The following DHRSX variants were observed in gnomAD, a reference collection of about 807,000 sequenced individuals.
DHRSX encodes the protein polyprenol dehydrogenase.
A neutral mutation model predicts 34.0 loss-of-function variants in DHRSX; 31 were observed. The ratio of observed to expected loss-of-function variants is 0.91; its 90% confidence interval spans 0.69 to 1.23. The LOEUF (loss-of-function observed/expected upper bound fraction) is 1.23. DHRSX is among the 50% of genes most tolerant of loss of function. The pLI is 0.00. For synonymous variants in DHRSX, 201 were observed against 183.8 expected, an observed-to-expected ratio of 1.09 and a Z score of -0.76; for missense variants, 414 against 428.1, an observed-to-expected ratio of 0.97 and a Z score of 0.29.
intron 3 of DHRSX, among the ~76,000 whole-genome samples, chrX:2,314,812 T>C (rs1409313035): frequency 6.6e-6 from 1 of 152,152 alleles, no homozygotes; most frequent in African/African-American, 2.4e-5. Context: ...GAGCAGCTTC[T>C]GTCCTGAAAT....
At chrX:2,481,799 G>C (rs994703263) in intron 1 of DHRSX, among the ~76,000 whole-genome samples, 1 of 148,334 alleles carries the variant, frequency 6.7e-6, no homozygotes, top group Non-Finnish European at 1.5e-5. Flanking sequence ...CAGGAGGGTT[G>C]GTGAGATCAG....
chrX:2,253,876 G>A (rs778015895), intron 5 of DHRSX, among the ~76,000 whole-genome samples: 1 of 152,064 alleles, frequency 6.6e-6, no homozygotes, highest in Non-Finnish European at 1.5e-5. Flanking sequence ...CTGGCTAACA[G>A]GGTGAAACCC....
intron 3 of DHRSX, among the ~76,000 whole-genome samples, chrX:2,371,751 C>T (rs1005506346): frequency 5.9e-5 from 9 of 151,854 alleles, no homozygotes; most frequent in African/African-American, 2.2e-4. Flanking sequence ...CCCTCCTCCT[C>T]CCATTACAGT....
rs1276752986 is a variant in DHRSX at position 2,387,240 on chromosome X, C to T, written c.286+21505G>A. Among the ~76,000 whole-genome samples the T allele has an allele frequency of 2.6e-5, 4 of 152,100 alleles. No homozygotes were observed. The South Asian group carries it at 6.2e-4, about 24-fold the overall frequency. On this transcript the variant is annotated intron_variant, in intron 3 of 6. Coordinates refer to ENST00000334651, the MANE Select transcript of DHRSX (RefSeq NM_145177.3). The stretch of plus-strand genomic sequence containing the variant: ...TTAATAAAATTAAACATTAAAAAAG[C>T]GGCTCTTTCTGCTTCCCTATCAACT...
intron 1 of DHRSX, among the ~76,000 whole-genome samples, chrX:2,460,598 T>TTTTTTTTA: frequency 6.7e-6 from 1 of 150,062 alleles, no homozygotes; most frequent in South Asian, 2.1e-4. Context: ...TTTTTTTTTT[T>TTTTTTTTA]AGAGACAGCA....
chrX:2,336,583 C>T (rs1273016386), intron 3 of DHRSX, among the ~76,000 whole-genome samples: 9 of 151,252 alleles, frequency 6.0e-5, no homozygotes, highest in East Asian at 1.9e-4. Context: ...AACATATTCA[C>T]GGTATTTTGT....
chrX:2,393,634 ACGACACAC>A (rs2043367408), intron 3 of DHRSX, among the ~76,000 whole-genome samples: 1 of 148,202 alleles, frequency 6.7e-6, no homozygotes, highest in Non-Finnish European at 1.5e-5. Context: ...TCCTGCACAC[ACGACACAC>A]AGGGACCTCC....
rs146865230 is a variant in DHRSX at position 2,314,640 on chromosome X, G to C, written c.287-23037C>G. Among the ~76,000 whole-genome samples, 1,442 of 152,022 alleles carry C rather than the reference G, an allele frequency of 9.5e-3. 24 individuals are homozygous for C. Among genetic ancestry groups the C allele is most frequent in the African/African-American group, 0.031 (1,279 of 41,404 alleles). On this transcript the variant is annotated intron_variant, in intron 3 of 6. Transcript: ENST00000334651. ...ACATTGTTTTTCCTTGTCTCATTAT[G>C]TTATGCCAGAGTCACATTGGAAAGT...
intron 2 of DHRSX, among the ~76,000 whole-genome samples, chrX:2,422,828 A>T (rs1482822585): frequency 6.6e-6 from 1 of 151,836 alleles, no homozygotes; most frequent in Non-Finnish European, 1.5e-5. Flanking sequence ...TCTGTCACCC[A>T]GGCTGGAGTG....
At chrX:2,347,018 C>A (rs1222701825) in intron 3 of DHRSX, among the ~76,000 whole-genome samples, 4 of 152,150 alleles carry the variant, frequency 2.6e-5, no homozygotes, top group African/African-American at 4.8e-5. Context: ...CATGGTGTCT[C>A]TGTGCCATAT....
intron 1 of DHRSX, chrX:2,489,324 C>T (rs2045054861): frequency 1.2e-6 from 2 of 1,613,446 alleles, no homozygotes; most frequent in Admixed American, 1.7e-5. Flanking sequence ...AGAAACATGT[C>T]GATCTCGGGC....
At chrX:2,370,807 G>A (rs887305913) in intron 3 of DHRSX, among the ~76,000 whole-genome samples, 4 of 152,084 alleles carry the variant, frequency 2.6e-5, no homozygotes, top group African/African-American at 4.8e-5. Context: ...GGGATGTTGG[G>A]CCAGCCTCAC....
chrX:2,327,262 T>C (rs73187644), intron 3 of DHRSX, among the ~76,000 whole-genome samples: 21,918 of 152,188 alleles, frequency 0.14, 2,085 homozygotes, highest in Admixed American at 0.22. Flanking sequence ...CCTGAATGCA[T>C]TGGAAACACT....
chrX:2,326,289 A>G (rs1300622985), intron 3 of DHRSX, among the ~76,000 whole-genome samples: 1 of 152,046 alleles, frequency 6.6e-6, no homozygotes, highest in African/African-American at 2.4e-5. Flanking sequence ...TTGGGAGGCC[A>G]AGGCGGGCAG....
chrX:2,492,322 G>T, intron 1 of DHRSX, among the ~76,000 whole-genome samples: 1 of 152,268 alleles, frequency 6.6e-6, no homozygotes, highest in East Asian at 1.9e-4. Context: ...CACAGGAGAA[G>T]ACCACATGGA....
chrX:2,423,480 G>A (rs1603077138), intron 2 of DHRSX, among the ~76,000 whole-genome samples: 2 of 152,090 alleles, frequency 1.3e-5, no homozygotes, highest in South Asian at 4.2e-4. Flanking sequence ...TCATATCAGC[G>A]ACTCATGAGG....
intron 6 of DHRSX, among the ~76,000 whole-genome samples, chrX:2,226,669 C>G (rs1031785952): frequency 1.5e-5 from 2 of 133,308 alleles, no homozygotes; most frequent in Admixed American, 1.6e-4. Context: ...GGCATGGTGG[C>G]GAGCGCCTGT....
At chrX:2,356,690 C>T (rs1009896984) in intron 3 of DHRSX, among the ~76,000 whole-genome samples, 2 of 152,198 alleles carry the variant, frequency 1.3e-5, no homozygotes, top group African/African-American at 4.8e-5. Context: ...CCTTCTCCTC[C>T]TCAGCCTCCT....
At chrX:2,232,443 T>C (rs1215679075) in intron 6 of DHRSX, among the ~76,000 whole-genome samples, 1 of 151,854 alleles carries the variant, frequency 6.6e-6, no homozygotes, top group Non-Finnish European at 1.5e-5. Context: ...TGGGGCTCAA[T>C]CCCCTGCAGT....
Sources: allele counts gnomAD v4.1 joint callset (sites outside exome capture counted in the v4.1 genomes callset), GRCh38; gene constraint gnomAD v4.1.1; transcripts MANE v1.5; gene names NCBI Gene and HGNC (gene_info 2026-07-23, HGNC 2026-07-21).